Variants in KCNIP1 observed in about 807,000 individuals in gnomAD.
The protein encoded by KCNIP1 is potassium voltage-gated channel interacting protein 1.
In KCNIP1, 18 loss-of-function variants were observed where a neutral mutation model predicts 33.0. That is an observed-to-expected ratio of 0.55 (90% confidence interval 0.38 to 0.81). KCNIP1 has a LOEUF of 0.81. Ranked by LOEUF, KCNIP1 falls within the 30% of genes least tolerant of loss-of-function variation. KCNIP1 has a pLI of 0.00. For missense variants in KCNIP1, 238 were observed against 271.6 expected (o/e 0.88, Z 0.87); for synonymous variants, 93 against 98.3 (o/e 0.95, Z 0.32).
intron 1 of KCNIP1, among the ~76,000 whole-genome samples, chr5:170,444,128 C>T (rs1054945254): frequency 2.0e-5 from 3 of 152,200 alleles, no homozygotes; most frequent in East Asian, 1.9e-4. Context: ...CCAGAAACTT[C>T]GTGGCTTCAA....
intron 1 of KCNIP1, among the ~76,000 whole-genome samples, chr5:170,415,376 T>C (rs1319803219): frequency 1.3e-5 from 2 of 152,166 alleles, no homozygotes; most frequent in East Asian, 3.8e-4. Flanking sequence ...AATTCTTTGC[T>C]GTGGGGGGAC....
chr5:170,652,281 C>T (rs1761071420), intron 1 of KCNIP1, among the ~76,000 whole-genome samples: 1 of 151,804 alleles, frequency 6.6e-6, no homozygotes, highest in Non-Finnish European at 1.5e-5. Flanking sequence ...CCCAGGAGTT[C>T]AAGACTAGCC....
intron 1 of KCNIP1, among the ~76,000 whole-genome samples, chr5:170,399,841 C>G (rs780532770): frequency 5.3e-5 from 8 of 152,202 alleles, no homozygotes; most frequent in African/African-American, 1.4e-4. Flanking sequence ...ATAAACTACT[C>G]TCCAGTGATG....
chr5:170,625,492 G>A (rs1357880156), intron 1 of KCNIP1, among the ~76,000 whole-genome samples: 1 of 152,182 alleles, frequency 6.6e-6, no homozygotes, highest in Admixed American at 6.5e-5. Context: ...ACCTGCGGGG[G>A]CGCCCCTCTA....
chr5:170,713,008 A>T, intron 1 of KCNIP1: 1 of 805,764 alleles, frequency 1.2e-6, no homozygotes, highest in Non-Finnish European at 2.2e-6. Flanking sequence ...TCCTTTGTTA[A>T]CAAGCCCCAC....
intron 1 of KCNIP1, among the ~76,000 whole-genome samples, chr5:170,608,139 C>T (rs930488248): frequency 6.6e-6 from 1 of 152,192 alleles, no homozygotes; most frequent in Non-Finnish European, 1.5e-5. Flanking sequence ...TCCAGCCCCC[C>T]ATTATCTGTC....
Position 170,434,726 on chromosome 5 carries a change from G to T in KCNIP1, c.88+80762G>T, listed in dbSNP as rs1354501269. Reference sequence around the variant, plus strand: ...TCCCAGCACTTTGGGAGGCCGAGGCGGATGGATCAGTTGAGGTCAGGAGTT... The same window carrying T: ...TCCCAGCACTTTGGGAGGCCGAGGCTGATGGATCAGTTGAGGTCAGGAGTT... On this transcript the variant is annotated intron_variant, in intron 1 of 7. Coordinates refer to the KCNIP1 transcript ENST00000377360. 2.0e-5 allele frequency among the ~76,000 whole-genome samples: 3 copies of T among 152,134 alleles called. No individual in the cohort carries two copies. The East Asian group carries it at 5.8e-4, about 29-fold the overall frequency.
At chr5:170,462,834 T>C (rs528440676) in intron 1 of KCNIP1, among the ~76,000 whole-genome samples, 23 of 152,256 alleles carry the variant, frequency 1.5e-4, no homozygotes, top group African/African-American at 5.3e-4. Flanking sequence ...CTGGATGAGA[T>C]TGGAGACTAT....
intron 1 of KCNIP1, among the ~76,000 whole-genome samples, chr5:170,440,320 G>T (rs1755960603): frequency 6.6e-6 from 1 of 152,210 alleles, no homozygotes. Flanking sequence ...CAAGGGCCCA[G>T]ATACCTAAAC....
rs116594775 is a variant in KCNIP1 at position 170,373,918 on chromosome 5, G to A, written c.88+19954G>A. On this transcript the variant is annotated intron_variant, in intron 1 of 7. Transcript: ENST00000377360. ...TCCATGTCTCTCTGATCTTTCTTTG[G>A]TCATTTTCTTTCCCTTCCATGTGAC... 8.8e-3 allele frequency among the ~76,000 whole-genome samples: 1,347 copies of A among 152,302 alleles called. 23 individuals carry two copies. Among genetic ancestry groups the A allele is most frequent in the African/African-American group, 0.031 (1,292 of 41,552 alleles).
At chr5:170,438,442 G>A (rs1045830574) in intron 1 of KCNIP1, among the ~76,000 whole-genome samples, 6 of 152,126 alleles carry the variant, frequency 3.9e-5, no homozygotes, top group Non-Finnish European at 8.8e-5. Flanking sequence ...TGGCCTCCTC[G>A]CCACTCCCCT....
At chr5:170,709,541 C>T (rs1280736197) in intron 1 of KCNIP1, among the ~76,000 whole-genome samples, 2 of 152,180 alleles carry the variant, frequency 1.3e-5, no homozygotes, top group Non-Finnish European at 2.9e-5. Flanking sequence ...TGCTTACAAG[C>T]AGCATTTAAT....
intron 1 of KCNIP1, among the ~76,000 whole-genome samples, chr5:170,428,219 G>T (rs1312662678): frequency 1.3e-5 from 2 of 152,148 alleles, no homozygotes; most frequent in Admixed American, 6.5e-5. Context: ...GCTGGGAAAC[G>T]CAGGGTTGGT....
chr5:170,461,851 C>T (rs936349947), intron 1 of KCNIP1, among the ~76,000 whole-genome samples: 2 of 151,608 alleles, frequency 1.3e-5, no homozygotes, highest in Admixed American at 6.6e-5. Context: ...CAAACAAAAA[C>T]ATATAGTGGG....
intron 1 of KCNIP1, chr5:170,678,566 G>C (rs1762224840): frequency 6.6e-6 from 1 of 152,202 alleles, no homozygotes; most frequent in African/African-American, 2.4e-5. Flanking sequence ...TTCTTTCCTA[G>C]AAATACCAGA....
intron 1 of KCNIP1, among the ~76,000 whole-genome samples, chr5:170,644,282 C>G (rs1760699092): frequency 6.6e-6 from 1 of 152,264 alleles, no homozygotes; most frequent in Non-Finnish European, 1.5e-5. Context: ...AAGGTCCCTG[C>G]CCTCATAGAG....
intron 1 of KCNIP1, among the ~76,000 whole-genome samples, chr5:170,542,210 G>A (rs115894093): frequency 1.2e-3 from 183 of 152,274 alleles, no homozygotes; most frequent in Middle Eastern, 3.4e-3. Context: ...GGCAGGCCGC[G>A]TCGTGACCCC....
At chr5:170,400,959 G>A (rs918100947) in intron 1 of KCNIP1, among the ~76,000 whole-genome samples, 5 of 152,254 alleles carry the variant, frequency 3.3e-5, no homozygotes, top group African/African-American at 9.6e-5. Context: ...ATAGCCACAT[G>A]TAACTAGTGA....
chr5:170,409,355 C>T lies in KCNIP1; in HGVS notation c.88+55391C>T, dbSNP rs184993171. On this transcript the variant is annotated intron_variant, in intron 1 of 7. Coordinates refer to the KCNIP1 transcript ENST00000377360. ...GGTCTTGAGGCCTCAAAAAGTTGCC[C>T]TCAGGGATTAGACCTGGGGTCACAA... Among the ~76,000 whole-genome samples, 5 of 152,254 alleles carry T rather than the reference C, an allele frequency of 3.3e-5. No individual in the cohort carries two copies. The East Asian group carries it at 9.7e-4, about 29-fold the overall frequency.
Sources: allele counts gnomAD v4.1 joint callset (sites outside exome capture counted in the v4.1 genomes callset), GRCh38; gene constraint gnomAD v4.1.1; transcripts MANE v1.5; gene names NCBI Gene and HGNC (gene_info 2026-07-23, HGNC 2026-07-21).